SGCZ: variants seen among roughly 807,000 people sequenced by gnomAD.
The protein encoded by SGCZ is sarcoglycan zeta.
In SGCZ, 40 loss-of-function variants were observed where a neutral mutation model predicts 41.3. The observed-to-expected ratio is 0.97, with a 90% CI of 0.75 to 1.26. SGCZ has a LOEUF of 1.26. Among genes scored for constraint, SGCZ ranks in the 50% most tolerant of loss-of-function variants. SGCZ has a pLI of 0.00. For missense variants in SGCZ, 552 were observed against 369.8 expected, an observed-to-expected ratio of 1.49 and a Z score of -4.04; for synonymous variants, 206 against 137.5, an observed-to-expected ratio of 1.50 and a Z score of -3.49.
intron 1 of SGCZ, among the ~76,000 whole-genome samples, chr8:14,744,370 G>A (rs1435398032): frequency 6.6e-6 from 1 of 152,104 alleles, no homozygotes; most frequent in Non-Finnish European, 1.5e-5. Flanking sequence ...ACATTCCAAA[G>A]CTTTTCCCTT....
At chr8:14,911,785 A>G (rs143885872) in intron 1 of SGCZ, among the ~76,000 whole-genome samples, 90 of 152,008 alleles carry the variant, frequency 5.9e-4, no homozygotes, top group African/African-American at 2.1e-3. Context: ...TATTCCTTTC[A>G]TTTATTTCCT....
chr8:14,716,357 C>A (rs948164469), intron 1 of SGCZ, among the ~76,000 whole-genome samples: 1 of 151,992 alleles, frequency 6.6e-6, no homozygotes, highest in Non-Finnish European at 1.5e-5. Context: ...CATGCGCACA[C>A]ACACACTTAA....
In SGCZ at chr8:14,495,646, G is replaced by C. The variant is rs149224101; in HGVS notation, c.234+59086C>G. ...AAGCACAAGATACAAAATAGATTTGGATTTAATTGCTTCATTAAGGTGAAA... is the reference window on the plus strand; with the variant it reads ...AAGCACAAGATACAAAATAGATTTGCATTTAATTGCTTCATTAAGGTGAAA... On this transcript the variant is annotated intron_variant, in intron 2 of 7. Coordinates refer to ENST00000382080, the MANE Select transcript of SGCZ (RefSeq NM_139167.4). Among the ~76,000 whole-genome samples the C allele has an allele frequency of 2.9e-3, 438 of 152,156 alleles. 4 individuals carry two copies. The highest frequency in any genetic ancestry group is 9.8e-3 in the African/African-American group (405 of 41,530).
chr8:14,326,016 G>C (rs1227258140), intron 2 of SGCZ, among the ~76,000 whole-genome samples: 1 of 145,402 alleles, frequency 6.9e-6, no homozygotes, highest in Admixed American at 7.1e-5. Flanking sequence ...GAAGGCTGAG[G>C]CAGGAGAATG....
intron 1 of SGCZ, among the ~76,000 whole-genome samples, chr8:14,856,636 A>T (rs1803554227): frequency 6.6e-6 from 1 of 151,406 alleles, no homozygotes; most frequent in African/African-American, 2.5e-5. Context: ...AAACCCATTT[A>T]TTCCAGTTTC....
rs1554472104 is a variant in SGCZ, at chr8:14,645,478, T to TTTTATATATATATATATA, written c.40-90553_40-90552insTATATATATATATATAAA. Among the ~76,000 whole-genome samples, 6 of 106,616 alleles carry TTTTATATATATATATATA rather than the reference T, an allele frequency of 5.6e-5. No individual in the cohort carries two copies. In the East Asian group the frequency reaches 1.0e-3, roughly 18 times the overall value. The allele number at this position is 106,616 out of a possible 152,430, so 69.9% of individuals were successfully genotyped here. On this transcript the variant is annotated intron_variant, in intron 1 of 7. Transcript: ENST00000382080. ...AGTATCATTGATTATATATATATATTTATATGTATATATATATATATATGG... is the reference window on the plus strand; with the variant it reads ...AGTATCATTGATTATATATATATATTTTTATATATATATATATATATATGTATATATATATATATATGG...
intron 1 of SGCZ, among the ~76,000 whole-genome samples, chr8:14,581,177 G>C (rs193180573): frequency 4.0e-5 from 6 of 151,886 alleles, no homozygotes; most frequent in African/African-American, 7.3e-5. Context: ...GTGCGATCTC[G>C]GCTCACTTGC....
At chr8:14,143,804 G>A (rs928444208) in intron 5 of SGCZ, among the ~76,000 whole-genome samples, 4 of 152,154 alleles carry the variant, frequency 2.6e-5, no homozygotes, top group Admixed American at 2.0e-4. Context: ...CTCTGCAGCA[G>A]TAGTAAGGAG....
At position 14,428,323 on chromosome 8, in the gene SGCZ, C is replaced by T. The variant is rs371838523; in HGVS notation, c.235-104119G>A. 1.7e-4 allele frequency among the ~76,000 whole-genome samples: 26 copies of T among 151,834 alleles called. No homozygotes were observed. In the East Asian group the frequency reaches 5.0e-3, roughly 29 times the overall value. On this transcript the variant is annotated intron_variant, in intron 2 of 7. Transcript: ENST00000382080. ...TGCATTTTTATCATCACTCTAATTC[C>T]AGTAGTAAATATTTTTCAATTGCTT...
At chr8:14,315,113 A>T (rs1030203078) in intron 3 of SGCZ, among the ~76,000 whole-genome samples, 7 of 152,226 alleles carry the variant, frequency 4.6e-5, no homozygotes, top group Non-Finnish European at 7.4e-5. Context: ...AAGTGACTTG[A>T]GGTTTGAATT....
chr8:14,135,728 A>C (rs1039145634), intron 5 of SGCZ, among the ~76,000 whole-genome samples: 1 of 152,182 alleles, frequency 6.6e-6, no homozygotes, highest in East Asian at 1.9e-4. Flanking sequence ...AACATCTAAA[A>C]AATGAGTTAG....
intron 1 of SGCZ, among the ~76,000 whole-genome samples, chr8:14,689,514 G>T (rs1192234457): frequency 6.6e-6 from 1 of 152,084 alleles, no homozygotes; most frequent in Non-Finnish European, 1.5e-5. Context: ...TTGATAGAAG[G>T]GGCCAATATA....
chr8:14,281,171 T>C (rs565115528), intron 3 of SGCZ, among the ~76,000 whole-genome samples: 29 of 152,078 alleles, frequency 1.9e-4, no homozygotes, highest in Middle Eastern at 3.4e-3. Context: ...AAGATACTCA[T>C]TTAAAGTAGA....
At chr8:15,044,618 G>A (rs1339599221) in intron 1 of SGCZ, among the ~76,000 whole-genome samples, 1 of 152,120 alleles carries the variant, frequency 6.6e-6, no homozygotes, top group Non-Finnish European at 1.5e-5. Context: ...TCATAATTGT[G>A]TTCAATGAGG....
intron 2 of SGCZ, among the ~76,000 whole-genome samples, chr8:14,523,840 G>C (rs544719242): frequency 3.3e-5 from 5 of 152,102 alleles, no homozygotes; most frequent in Admixed American, 6.6e-5. Flanking sequence ...TCTATTGTTT[G>C]AATTGCATGG....
chr8:15,086,024 A>G (rs1805935393), intron 1 of SGCZ, among the ~76,000 whole-genome samples: 1 of 152,198 alleles, frequency 6.6e-6, no homozygotes, highest in Admixed American at 6.5e-5. Flanking sequence ...ATTAATAAAC[A>G]TTTGCTTCTA....
chr8:14,101,673 C>CTTTTG (rs527834776), intron 7 of SGCZ, among the ~76,000 whole-genome samples: 194 of 142,902 alleles, frequency 1.4e-3, no homozygotes, highest in African/African-American at 4.5e-3. Context: ...AACAGTAAAA[C>CTTTTG]TTTTGTTTTC....
At chr8:14,934,160 G>A (rs57804002) in intron 1 of SGCZ, among the ~76,000 whole-genome samples, 1 of 151,750 alleles carries the variant, frequency 6.6e-6, no homozygotes, top group South Asian at 2.1e-4. Context: ...AAAACTTATG[G>A]ACAGTGTTCT....
intron 1 of SGCZ, among the ~76,000 whole-genome samples, chr8:15,038,294 T>C (rs1050066962): frequency 6.6e-6 from 1 of 151,952 alleles, no homozygotes; most frequent in Non-Finnish European, 1.5e-5. Flanking sequence ...AGCCCAGAAA[T>C]AAATCTGCCT....
Sources: allele counts gnomAD v4.1 joint callset (sites outside exome capture counted in the v4.1 genomes callset), GRCh38; gene constraint gnomAD v4.1.1; transcripts MANE v1.5; gene names NCBI Gene and HGNC (gene_info 2026-07-23, HGNC 2026-07-21).